The following SLC6A15 variants were observed in gnomAD, a reference collection of about 807,000 sequenced individuals.
SLC6A15 encodes the protein sodium-dependent neutral amino acid transporter B(0)AT2.
SLC6A15 carries 33 observed loss-of-function variants against 68.5 expected under a neutral mutation model. The ratio of observed to expected loss-of-function variants is 0.48; its 90% CI spans 0.37 to 0.64. SLC6A15 has a LOEUF of 0.64. Among genes scored for constraint, SLC6A15 ranks in the 30% least tolerant of loss-of-function variants. The pLI, the probability that SLC6A15 is intolerant of heterozygous loss-of-function variation, is 0.00. For missense variants in SLC6A15, 747 were observed against 874.3 expected (o/e 0.85, Z 1.84); for synonymous variants, 347 against 301.0 (o/e 1.15, Z -1.58).
intron 1 of SLC6A15, among the ~76,000 whole-genome samples, chr12:84,904,812 A>G (rs1030983682): frequency 6.6e-6 from 1 of 152,228 alleles, no homozygotes; most frequent in African/African-American, 2.4e-5. Flanking sequence ...AACTCTACAC[A>G]CATAAATTTA....
At chr12:84,863,887 GTC>G (rs1210755508) in intron 10 of SLC6A15, among the ~76,000 whole-genome samples, 5 of 151,112 alleles carry the variant, frequency 3.3e-5, no homozygotes, top group Non-Finnish European at 5.9e-5. Context: ...AAAATTTCTT[GTC>G]TCTTTTTTAG....
intron 1 of SLC6A15, among the ~76,000 whole-genome samples, chr12:84,903,164 A>C (rs937425859): frequency 2.6e-5 from 4 of 152,170 alleles, no homozygotes; most frequent in Admixed American, 1.3e-4. Flanking sequence ...CATAAATTGG[A>C]GTATATTTTT....
intron 1 of SLC6A15, among the ~76,000 whole-genome samples, chr12:84,896,296 A>C (rs1315797214): frequency 6.6e-6 from 1 of 152,194 alleles, no homozygotes; most frequent in Non-Finnish European, 1.5e-5. Flanking sequence ...TTTTGTAAAA[A>C]AGATTGTATT....
intron 5 of SLC6A15, chr12:84,883,067 C>T (rs1050729230): frequency 7.3e-5 from 72 of 982,366 alleles, no homozygotes; most frequent in Non-Finnish European, 8.3e-5. Flanking sequence ...GACAGTTAAA[C>T]GGCAGAGAGA....
chr12:84,873,620 A>G (rs1227217514), intron 6 of SLC6A15, among the ~76,000 whole-genome samples: 4 of 152,192 alleles, frequency 2.6e-5, no homozygotes, highest in Non-Finnish European at 5.9e-5. Context: ...TGAAATGAGA[A>G]TATGAAGAAA....
At chr12:84,907,988 T>C (rs1873248120) in intron 1 of SLC6A15, among the ~76,000 whole-genome samples, 1 of 152,080 alleles carries the variant, frequency 6.6e-6, no homozygotes, top group South Asian at 2.1e-4. Flanking sequence ...GACCAAAAAA[T>C]AAATATGGAG....
intron 4 of SLC6A15, 82 bp from the exon 5 acceptor site, chr12:84,884,122 G>T: frequency 8.8e-7 from 1 of 1,141,182 alleles, no homozygotes; most frequent in Non-Finnish European, 1.3e-6. Flanking sequence ...ACCTGTAAGT[G>T]AATTCTTAAT....
chr12:84,891,585 G>A (rs78240588), intron 2 of SLC6A15, among the ~76,000 whole-genome samples: 6,190 of 152,120 alleles, frequency 0.041, 403 homozygotes, highest in African/African-American at 0.14. Flanking sequence ...ATAAGCTTCC[G>A]GAGAAAGAAG....
chr12:84,863,739 G>A, intron 10 of SLC6A15, 138 bp from the exon 11 acceptor site: 1 of 524,694 alleles, frequency 1.9e-6, no homozygotes, highest in Non-Finnish European at 3.0e-6. Context: ...AGTTCCTCTT[G>A]GAAGATGACT....
chr12:84,882,754 A>G (rs995431934), intron 5 of SLC6A15: 3 of 175,118 alleles, frequency 1.7e-5, no homozygotes, highest in African/African-American at 7.2e-5. Context: ...AATGGTTCTG[A>G]AAATAAAAAT....
At chr12:84,888,075 T>C (rs913743426) in intron 2 of SLC6A15, among the ~76,000 whole-genome samples, 2 of 133,186 alleles carry the variant, frequency 1.5e-5, no homozygotes, top group South Asian at 2.3e-4. Flanking sequence ...ACTAAAAAAA[T>C]AAAATAAAAT....
chr12:84,899,753 T>G (rs758158076), intron 1 of SLC6A15, among the ~76,000 whole-genome samples: 1 of 152,168 alleles, frequency 6.6e-6, no homozygotes, highest in African/African-American at 2.4e-5. Context: ...GTATTTAAAT[T>G]TGAACTTATA....
At position 84,873,162 on chromosome 12, in the gene SLC6A15, G is replaced by A; in HGVS notation, c.1034C>T (p.Ser345Phe). The A allele has an allele frequency of 1.2e-6, 2 of 1,614,082 alleles. No homozygotes were observed. Among genetic ancestry groups the A allele is most frequent in the Non-Finnish European group, 1.7e-6 (2 of 1,179,986 alleles). Residue 345 changes from serine to phenylalanine, a missense_variant, in exon 7 of 12, where the codon TCT (serine) becomes TTT (phenylalanine). Physicochemically the swap from Ser to Phe is radical, Grantham distance 155. Coordinates refer to ENST00000266682, the MANE Select transcript of SLC6A15 (RefSeq NM_182767.6). Reference sequence around the variant, plus strand: ...AAACACCACCAATGTTGCCAGGACAGAAGTGAAAAAATTGATGAAGGACAC... The same window carrying A: ...AAACACCACCAATGTTGCCAGGACAAAAGTGAAAAAATTGATGAAGGACAC... ...VLVSFINFFT[S>F]VLATLVVFAV...
In SLC6A15 at chr12:84,873,375, A is replaced by G. The variant is rs755038134; in HGVS notation, c.868-47T>C. On this transcript the variant is annotated intron_variant, in intron 6 of 11. Coordinates refer to ENST00000266682, the MANE Select transcript of SLC6A15 (RefSeq NM_182767.6). ...AGAATCAGCTACAAAATAATGTTTCAGAATAATTAATTTTTATGGAATTTA... is the reference window on the plus strand; with the variant it reads ...AGAATCAGCTACAAAATAATGTTTCGGAATAATTAATTTTTATGGAATTTA... 2.0e-5 allele frequency: 32 copies of G among 1,585,914 alleles called. 1 individual carries two copies. In the Admixed American group the frequency reaches 5.8e-4, roughly 29 times the overall value.
At chr12:84,876,349 G>A (rs1297453182) in intron 6 of SLC6A15, 148 bp downstream of exon 6, 8 of 442,292 alleles carry the variant, frequency 1.8e-5, no homozygotes, top group Non-Finnish European at 3.2e-5. Flanking sequence ...AAAAATGCTG[G>A]TTTTTCCTAG....
chr12:84,905,153 A>G (rs559666866), intron 1 of SLC6A15, among the ~76,000 whole-genome samples: 6 of 152,212 alleles, frequency 3.9e-5, no homozygotes, highest in Non-Finnish European at 8.8e-5. Context: ...GAATATAGAC[A>G]CAAAATTCCT....
At position 84,860,643 on chromosome 12, in the gene SLC6A15, A is replaced by G. The variant is rs1303968553; in HGVS notation, c.*989T>C. 4 of 152,154 alleles carry G rather than the reference A, an allele frequency of 2.6e-5. No individual in the cohort carries two copies. Among genetic ancestry groups the G allele is most frequent in the Non-Finnish European group, 5.9e-5 (4 of 67,998 alleles). The allele number at this position is 152,154 out of a possible 1,614,324, so 9.4% of individuals were successfully genotyped here. On this transcript the variant is annotated 3_prime_UTR_variant, in exon 12 of 12. Transcript: ENST00000266682. Reference sequence around the variant, plus strand: ...GATACAAAGAAAATCAATGTGAAAAACAAACATCATTTTTAAACTTTGTTT... The same window carrying G: ...GATACAAAGAAAATCAATGTGAAAAGCAAACATCATTTTTAAACTTTGTTT...
chr12:84,898,669 C>A (rs1872729761), intron 1 of SLC6A15, among the ~76,000 whole-genome samples: 1 of 152,178 alleles, frequency 6.6e-6, no homozygotes, highest in Admixed American at 6.5e-5. Flanking sequence ...TGTCAGCACA[C>A]TGAGAGGACT....
chr12:84,863,458 T>A lies in SLC6A15; in HGVS notation c.1799A>T (p.Asn600Ile). Residue 600 changes from asparagine (N) to isoleucine (I), a missense_variant, in exon 11 of 12, where the codon AAC becomes ATC. Transcript: ENST00000266682. ...ATTTACCTTATCTTCAATCCATGCGTTATAGCCAGGAGGACTTAATCCCAT... is the reference window on the plus strand; with the variant it reads ...ATTTACCTTATCTTCAATCCATGCGATATAGCCAGGAGGACTTAATCCCAT... ...VNMGLSPPGY[N>I]AWIEDKASEE... 1 of 1,581,578 alleles carries A rather than the reference T, an allele frequency of 6.3e-7. No homozygotes were observed. The highest frequency in any genetic ancestry group is 8.6e-7 in the Non-Finnish European group (1 of 1,169,156).
Sources: gnomAD v4.1 joint callset for allele counts (sites outside exome capture counted in the v4.1 genomes callset) on GRCh38, gnomAD v4.1.1 for gene constraint, MANE v1.5 for transcripts, NCBI Gene and HGNC (gene_info 2026-07-23, HGNC 2026-07-21) for gene names.